PTPRD: variants seen among roughly 807,000 people sequenced by gnomAD.
The protein encoded by PTPRD is receptor-type tyrosine-protein phosphatase delta.
In PTPRD, 34 loss-of-function variants were observed where a neutral mutation model predicts 214.5. The ratio of observed to expected loss-of-function variants is 0.16; its 90% CI spans 0.12 to 0.21. PTPRD has a LOEUF of 0.21. PTPRD is among the 10% of genes least tolerant of loss of function. PTPRD has a pLI of 1.00. For missense variants in PTPRD, 2,545 were observed against 2,398.7 expected, an observed-to-expected ratio of 1.06 and a Z score of -1.27; for synonymous variants, 1,128 against 845.7, an observed-to-expected ratio of 1.33 and a Z score of -5.79.
At chr9:9,607,441 C>T (rs948588084) in intron 7 of PTPRD, among the ~76,000 whole-genome samples, 7 of 152,068 alleles carry the variant, frequency 4.6e-5, no homozygotes, top group Non-Finnish European at 7.4e-5. Context: ...TTATTAATAC[C>T]TGTGTTCTAC....
chr9:10,233,113 T>A (rs2099617388), intron 3 of PTPRD, among the ~76,000 whole-genome samples: 1 of 152,030 alleles, frequency 6.6e-6, no homozygotes, highest in Non-Finnish European at 1.5e-5. Flanking sequence ...CTGAAACCTT[T>A]CAGAATTCTG....
At chr9:8,420,558 T>C (rs1589952493) in intron 35 of PTPRD, among the ~76,000 whole-genome samples, 1 of 152,158 alleles carries the variant, frequency 6.6e-6, no homozygotes, top group South Asian at 2.1e-4. Flanking sequence ...TGGGAATGAT[T>C]ATAGATCAAA....
At chr9:10,175,830 T>A (rs991941617) in intron 3 of PTPRD, among the ~76,000 whole-genome samples, 30 of 152,044 alleles carry the variant, frequency 2.0e-4, no homozygotes, top group Non-Finnish European at 1.6e-4. Context: ...TAACACAACT[T>A]TGTCTGGAAT....
intron 8 of PTPRD, among the ~76,000 whole-genome samples, chr9:9,420,334 A>G (rs1432069541): frequency 6.6e-6 from 1 of 151,960 alleles, no homozygotes; most frequent in Admixed American, 6.6e-5. Flanking sequence ...AATATAAAGC[A>G]TATTTCTTCA....
chr9:10,584,803 A>G (rs2073365675), intron 2 of PTPRD, among the ~76,000 whole-genome samples: 1 of 152,178 alleles, frequency 6.6e-6, no homozygotes, highest in South Asian at 2.1e-4. Flanking sequence ...ATATGAATAA[A>G]ACATAAGAAG....
chr9:8,609,453 T>C lies in PTPRD; in HGVS notation c.352+23864A>G, dbSNP rs570103904. ...GTTGTGAAAAGCATTGCCCTTATGA[T>C]AGAAGTATCATGAAAATAAACTAAA... is the stretch of plus-strand genomic sequence containing the variant. On this transcript the variant is annotated intron_variant, in intron 14 of 45. Coordinates refer to ENST00000381196, the MANE Select transcript of PTPRD (RefSeq NM_002839.4). 1.3e-4 allele frequency among the ~76,000 whole-genome samples: 20 copies of C among 152,328 alleles called. No homozygotes were observed. The South Asian group carries it at 1.9e-3, about 14-fold the overall frequency.
chr9:10,177,552 C>G (rs1296029857), intron 3 of PTPRD, among the ~76,000 whole-genome samples: 1 of 151,532 alleles, frequency 6.6e-6, no homozygotes, highest in Non-Finnish European at 1.5e-5. Flanking sequence ...ACAGGAAGAC[C>G]AGAGGAAAAA....
intron 8 of PTPRD, among the ~76,000 whole-genome samples, chr9:9,404,093 C>T (rs1478729466): frequency 2.0e-5 from 3 of 151,822 alleles, no homozygotes; most frequent in Admixed American, 6.6e-5. Flanking sequence ...ATCTAGTAAG[C>T]AGAACAGAGT....
At chr9:10,501,395 T>C (rs570335757) in intron 2 of PTPRD, among the ~76,000 whole-genome samples, 1 of 152,066 alleles carries the variant, frequency 6.6e-6, no homozygotes, top group African/African-American at 2.4e-5. Context: ...TTTTTTTCTA[T>C]AGAGTCATCT....
At chr9:8,716,335 T>A (rs1449029394) in intron 12 of PTPRD, among the ~76,000 whole-genome samples, 1 of 152,226 alleles carries the variant, frequency 6.6e-6, no homozygotes, top group Non-Finnish European at 1.5e-5. Flanking sequence ...GTAATTGTGG[T>A]TAAAGTACTT....
At chr9:10,119,276 A>G (rs984871797) in intron 3 of PTPRD, among the ~76,000 whole-genome samples, 1 of 152,000 alleles carries the variant, frequency 6.6e-6, no homozygotes, top group African/African-American at 2.4e-5. Flanking sequence ...ACCCTGGAAA[A>G]GGAAATATAA....
At chr9:8,671,423 G>A (rs970853976) in intron 12 of PTPRD, among the ~76,000 whole-genome samples, 1 of 151,922 alleles carries the variant, frequency 6.6e-6, no homozygotes, top group African/African-American at 2.4e-5. Context: ...GAAGCAAAAG[G>A]GAATGAAAGT....
intron 8 of PTPRD, among the ~76,000 whole-genome samples, chr9:9,408,450 C>T (rs1481024330): frequency 9.9e-5 from 15 of 151,768 alleles, no homozygotes; most frequent in Non-Finnish European, 3.0e-5. Flanking sequence ...TATTGAGATT[C>T]ATACCTGCAT....
intron 5 of PTPRD, among the ~76,000 whole-genome samples, chr9:9,816,084 A>G (rs1201135760): frequency 6.6e-6 from 1 of 152,134 alleles, no homozygotes; most frequent in Non-Finnish European, 1.5e-5. Context: ...TTTACAATAT[A>G]TTCACCTATC....
intron 2 of PTPRD, among the ~76,000 whole-genome samples, chr9:10,605,594 C>G (rs896164115): frequency 8.6e-5 from 13 of 151,680 alleles, no homozygotes; most frequent in African/African-American, 3.1e-4. Context: ...GTTCTAAAAG[C>G]AATAGCTGTG....
chr9:9,369,167 G>T (rs1473937228), intron 9 of PTPRD, among the ~76,000 whole-genome samples: 1 of 151,956 alleles, frequency 6.6e-6, no homozygotes, highest in African/African-American at 2.4e-5. Flanking sequence ...ATCATTGTTG[G>T]ACATTTGAGT....
At chr9:9,945,560 C>T (rs149916922) in intron 4 of PTPRD, among the ~76,000 whole-genome samples, 3 of 152,230 alleles carry the variant, frequency 2.0e-5, no homozygotes, top group Non-Finnish European at 4.4e-5. Flanking sequence ...TCCAAGGTGG[C>T]AGTTAAGTAA....
intron 39 of PTPRD, among the ~76,000 whole-genome samples, chr9:8,373,695 T>C (rs2082232780): frequency 6.6e-6 from 1 of 151,254 alleles, no homozygotes; most frequent in Admixed American, 6.6e-5. Flanking sequence ...TTTAATCTTA[T>C]CTCTCATATT....
At chr9:10,183,598 T>C (rs1167917992) in intron 3 of PTPRD, among the ~76,000 whole-genome samples, 5 of 152,290 alleles carry the variant, frequency 3.3e-5, no homozygotes, top group South Asian at 2.1e-4. Context: ...ATTTCTTTCT[T>C]TTTTTTCACC....
Sources: gnomAD v4.1 joint callset for allele counts (sites outside exome capture counted in the v4.1 genomes callset) on GRCh38, gnomAD v4.1.1 for gene constraint, MANE v1.5 for transcripts, NCBI Gene and HGNC (gene_info 2026-07-23, HGNC 2026-07-21) for gene names.